Variants in PRKCE observed in about 807,000 individuals in gnomAD.
PRKCE encodes the protein protein kinase C epsilon.
In PRKCE, 16 loss-of-function variants were observed where a neutral mutation model predicts 85.4. That is an observed-to-expected ratio of 0.19 (90% CI 0.13 to 0.28). The LOEUF (loss-of-function observed/expected upper bound fraction) is 0.28. PRKCE is among the 10% of genes least tolerant of loss of function. The pLI, the probability that PRKCE is intolerant of heterozygous loss-of-function variation, is 1.00. For synonymous variants in PRKCE, 388 were observed against 371.5 expected, an observed-to-expected ratio of 1.04 and a Z score of -0.51; for missense variants, 573 against 975.2, an observed-to-expected ratio of 0.59 and a Z score of 5.49.
chr2:45,953,107 C>T (rs538409003), intron 2 of PRKCE, among the ~76,000 whole-genome samples: 5 of 152,286 alleles, frequency 3.3e-5, no homozygotes, highest in South Asian at 2.1e-4. Context: ...GCATTTGCCC[C>T]GGATTACCTG....
chr2:45,651,800 G>C lies in PRKCE; in HGVS notation c.-301G>C. On this transcript the variant is annotated 5_prime_UTR_variant, in exon 1 of 15. Coordinates refer to ENST00000306156, the MANE Select transcript of PRKCE (RefSeq NM_005400.3). ...AGCCCCCGCGGCTTGCAGCGGAGCC[G>C]ACAGCTCGTCTTCTCTTCTGGAGGT... 2 of 256,992 alleles carry C rather than the reference G, an allele frequency of 7.8e-6. No individual in the cohort carries two copies. The highest frequency in any genetic ancestry group is 1.5e-5 in the Non-Finnish European group (2 of 134,386). 15.9% of individuals were successfully genotyped at this position (256,992 alleles called of 1,614,324 possible).
At chr2:46,062,235 A>G (rs995280933) in intron 10 of PRKCE, among the ~76,000 whole-genome samples, 2 of 152,176 alleles carry the variant, frequency 1.3e-5, no homozygotes, top group African/African-American at 4.8e-5. Flanking sequence ...GGGCATGGGA[A>G]TGAATACGAT....
intron 10 of PRKCE, among the ~76,000 whole-genome samples, chr2:46,081,447 T>G (rs1669068720): frequency 6.6e-6 from 1 of 152,232 alleles, no homozygotes; most frequent in Non-Finnish European, 1.5e-5. Flanking sequence ...CCTGCCCTCA[T>G]GAAGCACACA....
intron 2 of PRKCE, among the ~76,000 whole-genome samples, chr2:45,925,622 T>C (rs1467006113): frequency 1.3e-5 from 2 of 152,282 alleles, no homozygotes; most frequent in East Asian, 3.9e-4. Context: ...AATCATCAAT[T>C]AGCATCAGTA....
chr2:45,782,155 C>G (rs1186299009), intron 1 of PRKCE, among the ~76,000 whole-genome samples: 2 of 152,352 alleles, frequency 1.3e-5, no homozygotes, highest in African/African-American at 4.8e-5. Flanking sequence ...CTCTTCGGAG[C>G]TGAGCTAAGA....
chr2:45,753,391 T>C (rs1006888307), intron 1 of PRKCE, among the ~76,000 whole-genome samples: 5 of 152,248 alleles, frequency 3.3e-5, no homozygotes, highest in African/African-American at 1.2e-4. Context: ...TACATCTTTT[T>C]AAGTACTAGA....
chr2:45,812,739 G>C (rs1356304561), intron 1 of PRKCE, among the ~76,000 whole-genome samples: 1 of 152,212 alleles, frequency 6.6e-6, no homozygotes, highest in Non-Finnish European at 1.5e-5. Context: ...TGATTTTAAA[G>C]CACCCGGCAG....
At chr2:45,898,495 G>T (rs75292004) in intron 2 of PRKCE, among the ~76,000 whole-genome samples, 296 of 152,310 alleles carry the variant, frequency 1.9e-3, no homozygotes, top group African/African-American at 6.5e-3. Flanking sequence ...GGACTGGGTC[G>T]CTGGAGTCTG....
At chr2:46,140,249 G>GA (rs1675383754) in intron 11 of PRKCE, among the ~76,000 whole-genome samples, 1 of 152,064 alleles carries the variant, frequency 6.6e-6, no homozygotes, top group African/African-American at 2.4e-5. Flanking sequence ...AGGAAATTTT[G>GA]AAAAATAATA....
intron 1 of PRKCE, among the ~76,000 whole-genome samples, chr2:45,740,731 A>G (rs1682489051): frequency 1.3e-5 from 2 of 152,238 alleles, no homozygotes; most frequent in South Asian, 2.1e-4. Context: ...ATGTCTGGTT[A>G]TTCACTTCGA....
chr2:45,786,048 G>A lies in PRKCE; in HGVS notation c.349-56952G>A, dbSNP rs1027920996. On this transcript the variant is annotated intron_variant, in intron 1 of 14. Coordinates refer to ENST00000306156, the MANE Select transcript of PRKCE (RefSeq NM_005400.3). This position sits in a 1 kb window ranked among gnomAD's most constrained non-coding sequence, Gnocchi z 5.3. ...GGGTCTAGAGTCTCACAGCCCTGCT[G>A]GGTCATCGTGGGGGTGAATAGATAC... Among the ~76,000 whole-genome samples the A allele has an allele frequency of 1.3e-5, 2 of 152,140 alleles. No individual in the cohort carries two copies. Among genetic ancestry groups the A allele is most frequent in the Non-Finnish European group, 2.9e-5 (2 of 68,022 alleles).
intron 2 of PRKCE, among the ~76,000 whole-genome samples, chr2:45,885,535 C>T (rs1034318647): frequency 6.6e-6 from 1 of 152,148 alleles, no homozygotes; most frequent in Non-Finnish European, 1.5e-5. Flanking sequence ...CAAGCCTGGA[C>T]CACTTCATTT....
intron 10 of PRKCE, among the ~76,000 whole-genome samples, chr2:46,023,243 G>A (rs1228976002): frequency 6.6e-6 from 1 of 152,138 alleles, no homozygotes; most frequent in African/African-American, 2.4e-5. Flanking sequence ...GTCTACCATT[G>A]TTGGTAGGTT....
chr2:46,174,091 T>C (rs1364155831), intron 14 of PRKCE, among the ~76,000 whole-genome samples: 1 of 152,244 alleles, frequency 6.6e-6, no homozygotes, highest in Admixed American at 6.5e-5. Context: ...GTCTACTGAC[T>C]GCCTCCAAAG....
At chr2:45,845,728 C>T (rs1691734289) in intron 2 of PRKCE, 1 of 152,200 alleles carries the variant, frequency 6.6e-6, no homozygotes, top group Admixed American at 6.5e-5. Flanking sequence ...AATGTGATTT[C>T]TAACTGTCTA....
chr2:46,002,799 T>C (rs1485259214), intron 7 of PRKCE, among the ~76,000 whole-genome samples: 3 of 152,194 alleles, frequency 2.0e-5, no homozygotes, highest in Non-Finnish European at 4.4e-5. Context: ...GAGCAAACAC[T>C]CTGTCATGAC....
At chr2:45,965,755 CCA>C (rs1174714169) in intron 2 of PRKCE, among the ~76,000 whole-genome samples, 3 of 152,164 alleles carry the variant, frequency 2.0e-5, no homozygotes, top group African/African-American at 2.4e-5. Flanking sequence ...AATTTTCCAT[CCA>C]CAGTCTTGCT....
At chr2:45,802,668 C>T (rs986669184) in intron 1 of PRKCE, among the ~76,000 whole-genome samples, 7 of 152,180 alleles carry the variant, frequency 4.6e-5, no homozygotes, top group African/African-American at 7.2e-5. Flanking sequence ...TGCTCCACTC[C>T]GCCCCACTTC....
chr2:45,888,022 A>G (rs143904901), intron 2 of PRKCE, among the ~76,000 whole-genome samples: 73 of 152,354 alleles, frequency 4.8e-4, no homozygotes, highest in African/African-American at 1.7e-3. Flanking sequence ...GTTATCTCCC[A>G]TGATCTGTGA....
Sources: gnomAD v4.1 joint callset for allele counts (sites outside exome capture counted in the v4.1 genomes callset) on GRCh38, gnomAD v4.1.1 for gene constraint, Gnocchi (gnomAD v3.1) non-coding constraint, MANE v1.5 for transcripts, NCBI Gene and HGNC (gene_info 2026-07-23, HGNC 2026-07-21) for gene names.